Variants in SOX6 observed in about 807,000 individuals in gnomAD.
SOX6 encodes transcription factor SOX-6.
In SOX6, 11 loss-of-function variants were observed where a neutral mutation model predicts 97.8. That is an observed-to-expected ratio of 0.11 (90% CI 0.07 to 0.19). The LOEUF (loss-of-function observed/expected upper bound fraction) is 0.19. SOX6 is among the 10% of genes least tolerant of loss of function. The pLI, the probability that SOX6 is intolerant of heterozygous loss-of-function variation, is 1.00. For missense variants in SOX6, 810 were observed against 1,039.5 expected (o/e 0.78, Z 3.04); for synonymous variants, 360 against 371.4 (o/e 0.97, Z 0.35).
intron 6 of SOX6, among the ~76,000 whole-genome samples, chr11:16,126,589 T>C (rs1018499692): frequency 7.2e-5 from 11 of 152,118 alleles, no homozygotes; most frequent in African/African-American, 2.4e-4. Context: ...TAGGCTTTCA[T>C]TGAAAAGCAC....
Position 16,167,746 on chromosome 11 carries a change from T to C in SOX6, c.777+16140A>G, listed in dbSNP as rs554834326. 3.3e-5 allele frequency among the ~76,000 whole-genome samples: 5 copies of C among 152,302 alleles called. No homozygotes were observed. The South Asian group carries it at 8.3e-4, about 25-fold the overall frequency. On this transcript the variant is annotated intron_variant, in intron 6 of 15. Coordinates refer to ENST00000683767, the MANE Select transcript of SOX6 (RefSeq NM_001367873.1). ...TTCTTCCATTCCTGTGGGTCTTTTCTTAAATACTACCTTCTCCCTTAAGTA... is the reference window on the plus strand; with the variant it reads ...TTCTTCCATTCCTGTGGGTCTTTTCCTAAATACTACCTTCTCCCTTAAGTA...
chr11:16,573,269 C>T (rs1385124562), intron 4 of SOX6, among the ~76,000 whole-genome samples: 1 of 152,120 alleles, frequency 6.6e-6, no homozygotes, highest in Non-Finnish European at 1.5e-5. Flanking sequence ...TTAAGAAGGC[C>T]AGCTTCATTT....
intron 9 of SOX6, among the ~76,000 whole-genome samples, chr11:16,069,547 AATTTT>A: frequency 6.6e-6 from 1 of 152,340 alleles, no homozygotes; most frequent in African/African-American, 2.4e-5. Flanking sequence ...TAGGTTGTAG[AATTTT>A]ATTTTAATAT....
intron 4 of SOX6, among the ~76,000 whole-genome samples, chr11:16,512,021 A>G (rs7939925): frequency 0.17 from 26,200 of 152,204 alleles, 2,297 homozygotes; most frequent in African/African-American, 0.19. Flanking sequence ...GTCTTATTTC[A>G]GAACAGCAGA....
intron 4 of SOX6, among the ~76,000 whole-genome samples, chr11:16,223,435 C>A (rs1852600173): frequency 6.6e-6 from 1 of 152,082 alleles, no homozygotes; most frequent in Non-Finnish European, 1.5e-5. Flanking sequence ...TTTACCTAAA[C>A]ACATTTCACT....
At chr11:15,974,378 C>CTTTTTTTTTTTTTTTTTTT (rs35597667) in intron 15 of SOX6, among the ~76,000 whole-genome samples, 9 of 85,660 alleles carry the variant, frequency 1.1e-4, no homozygotes, top group Admixed American at 1.5e-4. Flanking sequence ...TTAGCTCTCT[C>CTTTTTTTTTTTTTTTTTTT]TTTTTTTTTT....
intron 1 of SOX6, among the ~76,000 whole-genome samples, chr11:16,367,193 T>C (rs140140127): frequency 3.3e-5 from 5 of 152,310 alleles, no homozygotes; most frequent in Admixed American, 1.3e-4. Flanking sequence ...TTGGTTTTGT[T>C]CTGTTTCTGA....
At chr11:16,221,605 G>C (rs1405314264) in intron 4 of SOX6, among the ~76,000 whole-genome samples, 1 of 152,082 alleles carries the variant, frequency 6.6e-6, no homozygotes, top group Non-Finnish European at 1.5e-5. Flanking sequence ...TATTTGGCAA[G>C]TGAGGCTTGT....
intron 6 of SOX6, among the ~76,000 whole-genome samples, chr11:16,166,537 A>G (rs533335135): frequency 1.3e-5 from 2 of 152,348 alleles, no homozygotes; most frequent in Non-Finnish European, 2.9e-5. Flanking sequence ...CATGTTGGGA[A>G]TACAAAAATG....
At chr11:16,738,186 G>A (rs1848408718) in intron 1 of SOX6, among the ~76,000 whole-genome samples, 1 of 152,116 alleles carries the variant, frequency 6.6e-6, no homozygotes, top group African/African-American at 2.4e-5. Flanking sequence ...CGACCACCTA[G>A]AAATCCCCTG....
intron 4 of SOX6, among the ~76,000 whole-genome samples, chr11:16,585,003 C>T (rs920964535): frequency 6.6e-6 from 1 of 152,094 alleles, no homozygotes; most frequent in African/African-American, 2.4e-5. Context: ...ACTCTGTGCC[C>T]AAATCAACTA....
chr11:16,139,723 G>T (rs1326187424), intron 6 of SOX6, among the ~76,000 whole-genome samples: 3 of 151,462 alleles, frequency 2.0e-5, no homozygotes, highest in Non-Finnish European at 2.9e-5. Flanking sequence ...CTATTGGAGT[G>T]TATTTTGCTT....
At chr11:16,018,184 A>G (rs2133866667) in intron 12 of SOX6, among the ~76,000 whole-genome samples, 1 of 152,232 alleles carries the variant, frequency 6.6e-6, no homozygotes, top group East Asian at 1.9e-4. Context: ...ACAAGCCACA[A>G]GACGGTAGCA....
intron 1 of SOX6, among the ~76,000 whole-genome samples, chr11:16,431,838 A>T (rs1413391886): frequency 6.6e-6 from 1 of 152,142 alleles, no homozygotes; most frequent in African/African-American, 2.4e-5. Flanking sequence ...CATTATTATC[A>T]TGTTGACATT....
chr11:16,254,844 CA>C (rs986688338), intron 3 of SOX6, among the ~76,000 whole-genome samples: 23 of 150,434 alleles, frequency 1.5e-4, no homozygotes, highest in Non-Finnish European at 3.0e-5. Context: ...CAGAGTGGGT[CA>C]AAAAAAATAA....
chr11:16,015,070 G>C lies in SOX6; in HGVS notation c.1624-20C>G, dbSNP rs1854843860. The C allele has an allele frequency of 6.2e-7, 1 of 1,605,016 alleles. No homozygotes were observed. Among genetic ancestry groups the C allele is most frequent in the Non-Finnish European group, 8.5e-7 (1 of 1,172,690 alleles). ...TCTTTCCTAGAGGAACAAATAATCA[G>C]AGGCTTATTCTAGTTTCCAAAACAG... On this transcript the variant is annotated intron_variant, in intron 12 of 15. Coordinates refer to ENST00000683767, the MANE Select transcript of SOX6 (RefSeq NM_001367873.1).
intron 1 of SOX6, among the ~76,000 whole-genome samples, chr11:16,426,913 C>CAAAAAAA (rs34720074): frequency 3.2e-5 from 2 of 62,646 alleles, no homozygotes; most frequent in African/African-American, 7.1e-5. Context: ...GACTCCGTCT[C>CAAAAAAA]AAAAAAAAAA....
chr11:16,692,717 T>A (rs542288613), intron 3 of SOX6, among the ~76,000 whole-genome samples: 14 of 152,330 alleles, frequency 9.2e-5, no homozygotes, highest in African/African-American at 3.4e-4. Flanking sequence ...TATCATTACA[T>A]ATAGATGTGT....
At chr11:16,160,607 G>T (rs1440417786) in intron 6 of SOX6, among the ~76,000 whole-genome samples, 1 of 152,164 alleles carries the variant, frequency 6.6e-6, no homozygotes, top group Non-Finnish European at 1.5e-5. Context: ...TTATGTTAAA[G>T]CAGAGTAGTC....
Sources: allele counts gnomAD v4.1 joint callset (sites outside exome capture counted in the v4.1 genomes callset), GRCh38; gene constraint gnomAD v4.1.1; transcripts MANE v1.5; gene names NCBI Gene and HGNC (gene_info 2026-07-23, HGNC 2026-07-21).